FGF18: variants seen among roughly 807,000 people sequenced by gnomAD.
The protein encoded by FGF18 is fibroblast growth factor 18.
Under a neutral mutation model 23.0 loss-of-function variants are expected in FGF18, and 5 were observed. The observed-to-expected ratio is 0.22, with a 90% CI of 0.11 to 0.46. The LOEUF (loss-of-function observed/expected upper bound fraction) is 0.46, where lower values mean the gene tolerates loss of function less well. FGF18 is among the 20% of genes least tolerant of loss of function. The probability of loss-of-function intolerance (pLI) is 0.99; values close to 1 mark genes in which losing one functional copy is unlikely to be tolerated. For missense variants in FGF18, 180 were observed against 291.6 expected, an observed-to-expected ratio of 0.62 and a Z score of 2.79; for synonymous variants, 117 against 118.9, an observed-to-expected ratio of 0.98 and a Z score of 0.10.
Position 171,457,526 on chromosome 5 carries a change from A to G in FGF18, c.*721A>G, listed in dbSNP as rs1185122570. The G allele has an allele frequency of 6.6e-6, 1 of 151,852 alleles. No individual in the cohort carries two copies. The highest frequency in any genetic ancestry group is 1.5e-5 in the Non-Finnish European group (1 of 68,006). The allele number at this position is 151,852 out of a possible 1,614,324, so 9.4% of individuals were successfully genotyped here. A position where few individuals can be genotyped will look rare whatever the true frequency, so the allele number is the denominator to read the frequency against. On this transcript the variant is annotated 3_prime_UTR_variant, in exon 5 of 5. Coordinates refer to ENST00000274625, the MANE Select transcript of FGF18 (RefSeq NM_003862.3). ...CAGCTATATTATATATATTATATAT[A>G]TATAAGCTATTTATTTCACCTCTCT...
chr5:171,457,077 A>C lies in FGF18; in HGVS notation c.*272A>C. 2.6e-6 allele frequency: 1 copy of C among 384,494 alleles called. No individual in the cohort carries two copies. The highest frequency in any genetic ancestry group is 4.6e-6 in the Non-Finnish European group (1 of 216,760). The allele number at this position is 384,494 out of a possible 1,614,324, so 23.8% of individuals were successfully genotyped here. A position where few individuals can be genotyped will look rare whatever the true frequency, so the allele number is the denominator to read the frequency against. On this transcript the variant is annotated 3_prime_UTR_variant, in exon 5 of 5. Coordinates refer to ENST00000274625, the MANE Select transcript of FGF18 (RefSeq NM_003862.3). ...CTCTCTCTAGGAACAGACAACTCTAAACTCGTCCCCAGAGGAGGACTTGAA... is the reference window on the plus strand; with the variant it reads ...CTCTCTCTAGGAACAGACAACTCTACACTCGTCCCCAGAGGAGGACTTGAA...
intron 3 of FGF18, among the ~76,000 whole-genome samples, chr5:171,443,475 T>C (rs2113353224): frequency 6.8e-6 from 1 of 146,492 alleles, no homozygotes; most frequent in Admixed American, 6.9e-5. Flanking sequence ...TGGTATATGC[T>C]CAGATAAGTA....
At position 171,420,538 on chromosome 5, in the gene FGF18, C is replaced by T. The variant is rs1771988496; in HGVS notation, c.69+95C>T. 4 of 1,242,462 alleles carry T rather than the reference C, an allele frequency of 3.2e-6. No individual in the cohort carries two copies. The Admixed American group carries it at 5.1e-5, about 16-fold the overall frequency. 77.0% of individuals were successfully genotyped at this position (1,242,462 alleles called of 1,614,324 possible). On this transcript the variant is annotated intron_variant, in intron 2 of 4. Coordinates refer to ENST00000274625, the MANE Select transcript of FGF18 (RefSeq NM_003862.3). ...GCCGCGCCCCCTCCCTGTGCCCCACCCCTCCTGGGCGCTGAGCCCAGTGCA... is the reference window on the plus strand; with the variant it reads ...GCCGCGCCCCCTCCCTGTGCCCCACTCCTCCTGGGCGCTGAGCCCAGTGCA...
intron 3 of FGF18, among the ~76,000 whole-genome samples, chr5:171,444,690 G>C (rs1207138861): frequency 6.6e-6 from 1 of 152,060 alleles, no homozygotes; most frequent in East Asian, 1.9e-4. Flanking sequence ...ACTGACCATG[G>C]AATCAGACGC....
At chr5:171,444,068 C>T (rs5005937) in intron 3 of FGF18, among the ~76,000 whole-genome samples, 1 of 151,846 alleles carries the variant, frequency 6.6e-6, no homozygotes, top group African/African-American at 2.4e-5. Context: ...TTCCCATCTC[C>T]CGGTATCAAA....
At chr5:171,445,172 A>G (rs1009912461) in intron 3 of FGF18, among the ~76,000 whole-genome samples, 2 of 152,026 alleles carry the variant, frequency 1.3e-5, no homozygotes, top group East Asian at 3.9e-4. Context: ...CATGTGCAAA[A>G]GCCCTGTGGT....
In FGF18 at chr5:171,429,856, A is replaced by G. The variant is rs80105845; in HGVS notation, c.70-6237A>G. 6.0e-4 allele frequency among the ~76,000 whole-genome samples: 92 copies of G among 152,326 alleles called. 4 individuals are homozygous for G. The East Asian group carries it at 0.017, about 27-fold the overall frequency. ...CAATATTCCAACCTCCTTACCCCCA[A>G]ACTATGGCCTGTGGCCTGAACCAGT... On this transcript the variant is annotated intron_variant, in intron 2 of 4. Coordinates refer to ENST00000274625, the MANE Select transcript of FGF18 (RefSeq NM_003862.3).
chr5:171,440,094 G>C lies in FGF18; in HGVS notation c.250+3821G>C, dbSNP rs1772319514. 6.6e-6 allele frequency among the ~76,000 whole-genome samples: 1 copy of C among 152,208 alleles called. No homozygotes were observed. The highest frequency in any genetic ancestry group is 1.5e-5 in the Non-Finnish European group (1 of 68,034). ...TTCGAGTGGGAGACCGTGGATCTGA[G>C]TTAGCCTTTCTGATCCTGTTTCCTC... On this transcript the variant is annotated intron_variant, in intron 3 of 4. Transcript: ENST00000274625. The surrounding 1 kb of genome is among the most constrained non-coding windows in gnomAD (Gnocchi z 4.0).
At chr5:171,437,876 C>T (rs980715296) in intron 3 of FGF18, among the ~76,000 whole-genome samples, 1 of 152,140 alleles carries the variant, frequency 6.6e-6, no homozygotes, top group Admixed American at 6.5e-5. Context: ...ACCATCTGTC[C>T]ACGCCCTGAG....
chr5:171,452,133 A>G (rs1445197113), intron 4 of FGF18, among the ~76,000 whole-genome samples: 1 of 152,120 alleles, frequency 6.6e-6, no homozygotes, highest in Non-Finnish European at 1.5e-5. Context: ...ATTCACATCA[A>G]CCCAAGGGAG....
intron 2 of FGF18, among the ~76,000 whole-genome samples, chr5:171,422,548 A>G (rs1343786716): frequency 6.6e-6 from 1 of 152,094 alleles, no homozygotes; most frequent in African/African-American, 2.4e-5. Context: ...AACATCTATG[A>G]CCCCTAAAGA....
At chr5:171,454,209 T>G (rs1165405527) in intron 4 of FGF18, among the ~76,000 whole-genome samples, 1 of 152,104 alleles carries the variant, frequency 6.6e-6, no homozygotes, top group African/African-American at 2.4e-5. Context: ...CTGGAAGGCT[T>G]CCCAGAGGAG....
At chr5:171,423,631 GC>G (rs1772052711) in intron 2 of FGF18, among the ~76,000 whole-genome samples, 2 of 152,156 alleles carry the variant, frequency 1.3e-5, no homozygotes, top group South Asian at 4.1e-4. Flanking sequence ...TTCCTTCCAC[GC>G]CCCCTCTCGG....
intron 3 of FGF18, among the ~76,000 whole-genome samples, chr5:171,437,572 C>T (rs1049840726): frequency 6.6e-6 from 1 of 152,220 alleles, no homozygotes; most frequent in African/African-American, 2.4e-5. Context: ...CTGTCCCCCT[C>T]CCCACCAGCT....
At position 171,456,444 on chromosome 5, in the gene FGF18, A is replaced by G. The variant is rs1581282597; in HGVS notation, c.358-95A>G. 13 of 1,272,386 alleles carry G rather than the reference A, an allele frequency of 1.0e-5. No individual in the cohort carries two copies. The highest frequency in any genetic ancestry group is 4.8e-5 in the East Asian group (2 of 41,654). 78.8% of individuals were successfully genotyped at this position (1,272,386 alleles called of 1,614,324 possible). A position where few individuals can be genotyped will look rare whatever the true frequency, so the allele number is the denominator to read the frequency against. ...CTTCATTACAGTTGTCCCTACAACA[A>G]TCGCAATGGTCCTGAATAAAACCTT... On this transcript the variant is annotated intron_variant, in intron 4 of 4. Coordinates refer to ENST00000274625, the MANE Select transcript of FGF18 (RefSeq NM_003862.3). The surrounding 1 kb of genome is among the most constrained non-coding windows in gnomAD (Gnocchi z 6.1).
chr5:171,448,773 G>C (rs771207582), intron 3 of FGF18, among the ~76,000 whole-genome samples: 1 of 152,086 alleles, frequency 6.6e-6, no homozygotes, highest in African/African-American at 2.4e-5. Flanking sequence ...CTGTTTGGTG[G>C]AATAGAGTTG....
At chr5:171,429,055 C>T (rs918950952) in intron 2 of FGF18, among the ~76,000 whole-genome samples, 3 of 152,174 alleles carry the variant, frequency 2.0e-5, no homozygotes, top group African/African-American at 4.8e-5. Flanking sequence ...CCCTTTGCGG[C>T]GTCACTGTCT....
chr5:171,420,323 C>G (rs1431437319), intron 1 of FGF18, 84 bp from the exon 2 acceptor site: 4 of 1,606,352 alleles, frequency 2.5e-6, no homozygotes, highest in Non-Finnish European at 3.4e-6. Flanking sequence ...CGTCGGTTCA[C>G]CTGACTCTTC....
chr5:171,443,567 G>T (rs1287685166), intron 3 of FGF18, among the ~76,000 whole-genome samples: 1 of 117,372 alleles, frequency 8.5e-6, no homozygotes, highest in Non-Finnish European at 1.6e-5. Flanking sequence ...TAGCCAGGAT[G>T]GTCTCGATTC....
Sources: allele counts gnomAD v4.1 joint callset (sites outside exome capture counted in the v4.1 genomes callset), GRCh38; gene constraint gnomAD v4.1.1; non-coding constraint Gnocchi (gnomAD v3.1); transcripts MANE v1.5; gene names NCBI Gene and HGNC (gene_info 2026-07-23, HGNC 2026-07-21).